Variants in TECRL observed in about 807,000 individuals in gnomAD.
TECRL encodes trans-2,3-enoyl-CoA reductase like, also known as trans-2,3-enoyl-CoA reductase-like.
In TECRL, 63 loss-of-function variants were observed where a neutral mutation model predicts 52.8. The ratio of observed to expected loss-of-function variants is 1.19; its 90% confidence interval spans 0.97 to 1.47. TECRL has a LOEUF of 1.47. Ranked by LOEUF, TECRL falls within the 40% of genes most tolerant of loss-of-function variation. The pLI is 0.00. For synonymous variants in TECRL, 164 were observed against 141.9 expected (o/e 1.16, Z -1.10); for missense variants, 482 against 429.6 (o/e 1.12, Z -1.08).
At chr4:64,368,082 T>C (rs1721726438) in intron 2 of TECRL, among the ~76,000 whole-genome samples, 1 of 152,118 alleles carries the variant, frequency 6.6e-6, no homozygotes, top group Admixed American at 6.6e-5. Context: ...ATAAAAGGGC[T>C]TATTGGACCT....
intron 2 of TECRL, among the ~76,000 whole-genome samples, chr4:64,331,830 G>A (rs1718661049): frequency 6.6e-6 from 1 of 151,832 alleles, no homozygotes; most frequent in African/African-American, 2.4e-5. Context: ...AAAGATAAAG[G>A]GATTCAGAAA....
chr4:64,401,091 C>T (rs1208798109), intron 1 of TECRL, among the ~76,000 whole-genome samples: 3 of 152,124 alleles, frequency 2.0e-5, no homozygotes, highest in Non-Finnish European at 2.9e-5. Flanking sequence ...ATTTCTTCTC[C>T]GTTTTATAGA....
At chr4:64,284,853 C>G (rs751316332) in intron 9 of TECRL, among the ~76,000 whole-genome samples, 2 of 152,004 alleles carry the variant, frequency 1.3e-5, no homozygotes, top group African/African-American at 4.8e-5. Context: ...ATTCCTTTCC[C>G]AGTATTGGAA....
At chr4:64,298,426 A>G (rs570437258) in intron 8 of TECRL, among the ~76,000 whole-genome samples, 1 of 151,382 alleles carries the variant, frequency 6.6e-6, no homozygotes, top group South Asian at 2.1e-4. Context: ...TCTGGGGAAA[A>G]AAAGTATAAT....
intron 1 of TECRL, among the ~76,000 whole-genome samples, chr4:64,381,883 G>A (rs1166590120): frequency 6.6e-6 from 1 of 152,176 alleles, no homozygotes; most frequent in Admixed American, 6.5e-5. Context: ...GCACGCAAGT[G>A]CACGTGTGTG....
At chr4:64,287,932 A>T (rs1249789866) in intron 9 of TECRL, among the ~76,000 whole-genome samples, 1 of 152,116 alleles carries the variant, frequency 6.6e-6, no homozygotes, top group Non-Finnish European at 1.5e-5. Context: ...AGATCACCTG[A>T]GGTCAGGAGT....
At chr4:64,395,645 G>T (rs1178816147) in intron 1 of TECRL, among the ~76,000 whole-genome samples, 1 of 152,124 alleles carries the variant, frequency 6.6e-6, no homozygotes, top group Non-Finnish European at 1.5e-5. Flanking sequence ...CATTATATAA[G>T]AAAAATCTTT....
intron 8 of TECRL, chr4:64,299,345 G>A (rs1268013977): frequency 1.3e-5 from 2 of 151,034 alleles, no homozygotes; most frequent in Non-Finnish European, 3.0e-5. Flanking sequence ...ATTTATCAAT[G>A]ACAGGGATGA....
chr4:64,312,307 C>A (rs933002600), intron 5 of TECRL, among the ~76,000 whole-genome samples: 1 of 152,094 alleles, frequency 6.6e-6, no homozygotes, highest in African/African-American at 2.4e-5. Flanking sequence ...AATCTAGATA[C>A]CTAAATCTAG....
intron 8 of TECRL, among the ~76,000 whole-genome samples, chr4:64,295,059 T>G (rs1723603219): frequency 6.6e-6 from 1 of 151,714 alleles, no homozygotes; most frequent in Non-Finnish European, 1.5e-5. Flanking sequence ...TTTTTCAATT[T>G]GTACTTTCTG....
chr4:64,312,222 G>A (rs183585465), intron 5 of TECRL, among the ~76,000 whole-genome samples: 1 of 152,218 alleles, frequency 6.6e-6, no homozygotes, highest in Admixed American at 6.5e-5. Flanking sequence ...TCAATTGGAT[G>A]TGGAATTTAA....
At chr4:64,305,264 AAGTT>A in intron 6 of TECRL, 26 bp from the exon 7 acceptor site, 2 of 1,597,110 alleles carry the variant, frequency 1.3e-6, no homozygotes, top group South Asian at 1.1e-5. Flanking sequence ...AACAAAATAA[AAGTT>A]AGGAAAAATA....
intron 3 of TECRL, among the ~76,000 whole-genome samples, chr4:64,325,814 T>C (rs920087348): frequency 3.3e-5 from 5 of 152,152 alleles, no homozygotes; most frequent in South Asian, 2.1e-4. Context: ...GAACAGATCA[T>C]TGGCATTCTA....
chr4:64,288,500 A>G (rs536945080), intron 9 of TECRL, among the ~76,000 whole-genome samples: 195 of 152,306 alleles, frequency 1.3e-3, no homozygotes, highest in South Asian at 1.7e-3. Context: ...ATATATATAT[A>G]TAAAAGTCAT....
chr4:64,355,477 G>C (rs1720698127), intron 2 of TECRL, among the ~76,000 whole-genome samples: 1 of 152,036 alleles, frequency 6.6e-6, no homozygotes, highest in African/African-American at 2.4e-5. Context: ...TTATGTAAAA[G>C]GGAATTAAGA....
intron 5 of TECRL, among the ~76,000 whole-genome samples, chr4:64,310,749 A>G (rs2110000884): frequency 6.6e-6 from 1 of 152,288 alleles, no homozygotes; most frequent in East Asian, 1.9e-4. Flanking sequence ...GTTTTTAGAG[A>G]CAGGATCTTG....
At chr4:64,353,118 G>C (rs1717923585) in intron 2 of TECRL, among the ~76,000 whole-genome samples, 1 of 152,176 alleles carries the variant, frequency 6.6e-6, no homozygotes, top group Non-Finnish European at 1.5e-5. Flanking sequence ...CAGGTAAATA[G>C]TGTATAACTA....
chr4:64,374,553 C>T (rs1324748411), intron 2 of TECRL, among the ~76,000 whole-genome samples: 1 of 151,798 alleles, frequency 6.6e-6, no homozygotes, highest in Middle Eastern at 3.2e-3. Flanking sequence ...TAATGCTATC[C>T]CTCCCCGCTC....
intron 8 of TECRL, among the ~76,000 whole-genome samples, chr4:64,296,545 C>G (rs894898829): frequency 1.3e-5 from 2 of 151,664 alleles, no homozygotes; most frequent in African/African-American, 4.8e-5. Context: ...CTTCCACTTC[C>G]TTCATTTTTG....
Sources: gnomAD v4.1 joint callset for allele counts (sites outside exome capture counted in the v4.1 genomes callset) on GRCh38, gnomAD v4.1.1 for gene constraint, MANE v1.5 for transcripts, NCBI Gene and HGNC (gene_info 2026-07-23, HGNC 2026-07-21) for gene names.